The following PALD1 variants were observed in gnomAD, a reference collection of about 807,000 sequenced individuals.
PALD1 encodes paladin.
A neutral mutation model predicts 96.0 loss-of-function variants in PALD1; 57 were observed. The observed-to-expected ratio is 0.59, with a 90% confidence interval of 0.48 to 0.74. The LOEUF is 0.74. Ranked by LOEUF, PALD1 falls within the 30% of genes least tolerant of loss-of-function variation. PALD1 has a pLI of 0.00. For synonymous variants in PALD1, 464 were observed against 473.6 expected (o/e 0.98, Z 0.26); for missense variants, 1,063 against 1,143.7 (o/e 0.93, Z 1.02).
chr10:70,541,219 G>T lies in PALD1; in HGVS notation c.2026G>T (p.Val676Phe). The T allele has an allele frequency of 6.2e-7, 1 of 1,609,450 alleles. No homozygotes were observed. Among genetic ancestry groups the T allele is most frequent in the Non-Finnish European group, 8.5e-7 (1 of 1,178,424 alleles). Residue 676 changes from valine to phenylalanine, a missense_variant, in exon 16 of 20, where the codon GTC becomes TTC. Coordinates refer to ENST00000263563, the MANE Select transcript of PALD1 (RefSeq NM_014431.3). ...TACCACAACTGCGATGGTGGTGGCT[G>T]TCCTGGCCTTCTGGCACATCCAAGT... ...GRTTTAMVVA[V>F]LAFWHIQGFP...
chr10:70,533,053 T>C lies in PALD1; in HGVS notation c.853T>C (p.Phe285Leu). ...TCCCCTGGAGGCCCAGTTGGACGCC[T>C]TTGTCAGTGTTCTCCGGGTAACTGG... ...GSPLEAQLDA[F>L]VSVLRETPSL... Residue 285 changes from phenylalanine (F) to leucine (L), a missense_variant, in exon 7 of 20, where the codon TTT (phenylalanine) becomes CTT (leucine). Physicochemically the swap from Phe to Leu is conservative, Grantham distance 22. Coordinates refer to ENST00000263563, the MANE Select transcript of PALD1 (RefSeq NM_014431.3). 6.3e-7 allele frequency: 1 copy of C among 1,581,768 alleles called. No individual in the cohort carries two copies. Among genetic ancestry groups the C allele is most frequent in the East Asian group, 2.3e-5 (1 of 43,218 alleles).
Position 70,566,893 on chromosome 10 carries a change from C to G in PALD1, c.*160C>G. ...GAGTTGGGAGCCTTTTTAGAAAGAA[C>G]TTTTTATAGGACAGGGAGACAGCAC... On this transcript the variant is annotated 3_prime_UTR_variant, in exon 20 of 20. Transcript: ENST00000263563. 1.7e-6 allele frequency: 1 copy of G among 583,640 alleles called. No individual in the cohort carries two copies. The highest frequency in any genetic ancestry group is 2.9e-5 in the East Asian group (1 of 34,956). The allele number at this position is 583,640 out of a possible 1,614,324, so 36.2% of individuals were successfully genotyped here. A position where few individuals can be genotyped will look rare whatever the true frequency, so the allele number is the denominator to read the frequency against.
chr10:70,539,559 C>A lies in PALD1; in HGVS notation c.1726-21C>A. 1 of 1,581,650 alleles carries A rather than the reference C, an allele frequency of 6.3e-7. No homozygotes were observed. Among genetic ancestry groups the A allele is most frequent in the Non-Finnish European group, 8.6e-7 (1 of 1,162,208 alleles). ...AGAGCCTGCCCCAGTGGCCTGTGTC[C>A]TCCCTCCTGCCCTTGCCCAGACCCT... On this transcript the variant is annotated intron_variant, in intron 14 of 19. Transcript: ENST00000263563. The surrounding 1 kb of genome is among the most constrained non-coding windows in gnomAD (Gnocchi z 4.5).
intron 1 of PALD1, among the ~76,000 whole-genome samples, chr10:70,492,058 G>A (rs1358969653): frequency 1.3e-5 from 2 of 152,284 alleles, no homozygotes; most frequent in South Asian, 2.1e-4. Context: ...TGCTATGAAT[G>A]TTCATGTGCA....
chr10:70,525,070 C>G (rs1341362461), intron 1 of PALD1, among the ~76,000 whole-genome samples: 2 of 152,148 alleles, frequency 1.3e-5, no homozygotes, highest in Non-Finnish European at 2.9e-5. Flanking sequence ...GGCTCGATCT[C>G]TGTTCACTGC....
intron 18 of PALD1, among the ~76,000 whole-genome samples, chr10:70,549,631 TG>T (rs958491127): frequency 3.7e-4 from 57 of 152,238 alleles, no homozygotes; most frequent in African/African-American, 1.3e-3. Context: ...GGCCGAAAGG[TG>T]CAAAACGAGT....
chr10:70,473,896 C>G (rs907847641), upstream of PALD1, among the ~76,000 whole-genome samples: 4 of 149,390 alleles, frequency 2.7e-5, no homozygotes, highest in Admixed American at 1.3e-4. Context: ...GATCCACCCC[C>G]CCCCCCTCAG....
chr10:70,464,939 TTGTATGTATGTATGTATGTATGTA>T, the PALD1 span, among the ~76,000 whole-genome samples: 1 of 142,136 alleles, frequency 7.0e-6, no homozygotes, highest in South Asian at 2.3e-4. Flanking sequence ...CTATGTACAC[TTGTATGTATGTATGTATGTATGTA>T]TGTATGTATG....
intron 18 of PALD1, among the ~76,000 whole-genome samples, chr10:70,560,736 G>A (rs373842962): frequency 3.9e-5 from 6 of 152,094 alleles, no homozygotes; most frequent in African/African-American, 1.4e-4. Context: ...CAGCCAGGCC[G>A]GAGGCTTGAG....
chr10:70,539,106 C>G lies in PALD1; in HGVS notation c.1584C>G (p.Ile528Met). ...CCTGTGCCCAGGCCCTGGGGAGCATCCTGGCCTACCTGACGGACGCCAAGA... is the reference window on the plus strand; with the variant it reads ...CCTGTGCCCAGGCCCTGGGGAGCATGCTGGCCTACCTGACGGACGCCAAGA... Reference protein sequence around the residue: ...AQPSAKALGSILAYLTDAKRR... With the variant: ...AQPSAKALGSMLAYLTDAKRR... Residue 528 changes from isoleucine to methionine, a missense_variant, in exon 14 of 20, where the codon ATC becomes ATG. Ile to Met is a conservative substitution (Grantham distance 10). Transcript: ENST00000263563. The surrounding 1 kb of genome is among the most constrained non-coding windows in gnomAD (Gnocchi z 4.5). 6.2e-7 allele frequency: 1 copy of G among 1,613,918 alleles called. No homozygotes were observed. The highest frequency in any genetic ancestry group is 2.2e-5 in the East Asian group (1 of 44,864).
intron 17 of PALD1, among the ~76,000 whole-genome samples, 154 bp from the exon 18 acceptor site, chr10:70,547,152 C>T (rs1847382923): frequency 6.6e-6 from 1 of 152,206 alleles, no homozygotes; most frequent in Non-Finnish European, 1.5e-5. Flanking sequence ...CCCCTGTCCT[C>T]CCTCAGTCTG....
At chr10:70,497,018 GT>G (rs34808521) in intron 1 of PALD1, among the ~76,000 whole-genome samples, 77,438 of 147,062 alleles carry the variant, frequency 0.53, 22,691 homozygotes, top group Non-Finnish European at 0.69. Context: ...ATATTTCCAA[GT>G]CTCGTTTCAC....
chr10:70,468,097 G>A, the PALD1 span, among the ~76,000 whole-genome samples: 4 of 152,186 alleles, frequency 2.6e-5, no homozygotes, highest in African/African-American at 9.7e-5. Context: ...GACATGGGAA[G>A]ACAGGAATGA....
intron 12 of PALD1, 66 bp from the exon 13 acceptor site, chr10:70,538,826 G>C: frequency 7.1e-7 from 1 of 1,401,686 alleles, no homozygotes; most frequent in Non-Finnish European, 1.0e-6. Context: ...CCTTGGGCCA[G>C]GTCCTGACCC....
At chr10:70,516,979 C>T (rs1342716626) in intron 1 of PALD1, among the ~76,000 whole-genome samples, 3 of 152,064 alleles carry the variant, frequency 2.0e-5, no homozygotes, top group Non-Finnish European at 2.9e-5. Flanking sequence ...TTCCAGGGCT[C>T]AGTGATCACA....
At chr10:70,479,115 C>T (rs1211780133) in intron 1 of PALD1, 56 bp downstream of exon 1, 2 of 152,612 alleles carry the variant, frequency 1.3e-5, no homozygotes, top group Admixed American at 6.5e-5. Flanking sequence ...TGGAATCCCC[C>T]GGGCACCCCC....
chr10:70,481,822 G>A (rs929077293), intron 1 of PALD1, among the ~76,000 whole-genome samples: 3 of 152,220 alleles, frequency 2.0e-5, no homozygotes, highest in African/African-American at 7.2e-5. Flanking sequence ...GCTATGCTCA[G>A]GTCTCCTCTG....
rs369013517 is a variant in PALD1 at position 70,567,171 on chromosome 10, C to G, written c.*438C>G. The G allele has an allele frequency of 1.2e-5, 2 of 163,944 alleles. No individual in the cohort carries two copies. The highest frequency in any genetic ancestry group is 4.8e-5 in the African/African-American group (2 of 41,752). 10.2% of individuals were successfully genotyped at this position (163,944 alleles called of 1,614,324 possible). Reference sequence around the variant, plus strand: ...GTAGCTCCCCACTTCCTTACTCCTGCTGCTCTGCCATTGCCGCTCCCCTTG... The same window carrying G: ...GTAGCTCCCCACTTCCTTACTCCTGGTGCTCTGCCATTGCCGCTCCCCTTG... On this transcript the variant is annotated 3_prime_UTR_variant, in exon 20 of 20. Transcript: ENST00000263563.
chr10:70,527,799 A>T (rs61857076), intron 2 of PALD1, among the ~76,000 whole-genome samples: 45,409 of 151,400 alleles, frequency 0.3, 6,995 homozygotes, highest in South Asian at 0.35. Context: ...CTTTTTTTAA[A>T]ATTTAAGTTC....
Sources: allele counts gnomAD v4.1 joint callset (sites outside exome capture counted in the v4.1 genomes callset), GRCh38; gene constraint gnomAD v4.1.1; non-coding constraint Gnocchi (gnomAD v3.1); transcripts MANE v1.5; gene names NCBI Gene and HGNC (gene_info 2026-07-23, HGNC 2026-07-21).